ALG6: variants seen among roughly 807,000 people sequenced by gnomAD.
ALG6 encodes the protein dolichyl pyrophosphate Man9GlcNAc2 alpha-1,3-glucosyltransferase.
ALG6 carries 46 observed loss-of-function variants against 66.6 expected under a neutral mutation model. The ratio of observed to expected loss-of-function variants is 0.69; its 90% CI spans 0.55 to 0.88. The LOEUF is 0.88. Ranked by LOEUF, ALG6 falls within the 40% of genes least tolerant of loss-of-function variation. ALG6 has a pLI of 0.00. For missense variants in ALG6, 505 were observed against 586.8 expected (o/e 0.86, Z 1.44); for synonymous variants, 185 against 203.7 (o/e 0.91, Z 0.78).
rs2100423314 is a variant in ALG6, at chr1:63,414,078, T to C, written c.834T>C (p.Ile278=). The change falls in exon 10 of 15, where the codon ATT becomes ATC. Residue 278 remains isoleucine (I), a synonymous_variant. Coordinates refer to ENST00000263440, the MANE Select transcript of ALG6 (RefSeq NM_013339.4). ...CTTTTAAGGATAAAGTAGCCAATAT[T>C]TGGTGCAGCTTCAATGTCTTTCTGA... ...RGLFEDKVAN[I]WCSFNVFLKI... 6.2e-7 allele frequency: 1 copy of C among 1,612,048 alleles called. No homozygotes were observed. Among genetic ancestry groups the C allele is most frequent in the Non-Finnish European group, 8.5e-7 (1 of 1,178,386 alleles).
intron 2 of ALG6, among the ~76,000 whole-genome samples, chr1:63,394,147 G>T (rs1219092202): frequency 1.3e-5 from 2 of 152,162 alleles, no homozygotes; most frequent in Non-Finnish European, 2.9e-5. Context: ...AGAAAATCTG[G>T]ATTAGATTTC....
At chr1:63,373,063 A>C (rs1017578560) in intron 2 of ALG6, among the ~76,000 whole-genome samples, 25 of 152,110 alleles carry the variant, frequency 1.6e-4, no homozygotes, top group African/African-American at 6.0e-4. Context: ...GCTAAAGTGC[A>C]GTGGCACAAT....
chr1:63,384,267 C>T (rs951971433), intron 2 of ALG6, among the ~76,000 whole-genome samples: 7 of 152,070 alleles, frequency 4.6e-5, no homozygotes, highest in African/African-American at 1.7e-4. Context: ...TTTTCATATT[C>T]CTGTTTGCCA....
chr1:63,368,933 C>T (rs748325119), intron 1 of ALG6, among the ~76,000 whole-genome samples: 13 of 152,186 alleles, frequency 8.5e-5, no homozygotes, highest in Non-Finnish European at 1.5e-4. Context: ...GGAAGATTCA[C>T]AGCATTTCAG....
At chr1:63,418,858 T>C (rs557071231) in intron 11 of ALG6, among the ~76,000 whole-genome samples, 25 of 152,210 alleles carry the variant, frequency 1.6e-4, no homozygotes, top group Admixed American at 3.9e-4. Flanking sequence ...AGCAACTGGA[T>C]AGTTATCCAT....
At position 63,415,131 on chromosome 1, in the gene ALG6, C is replaced by CG. The variant is rs1277876946; in HGVS notation, c.903-742_903-741insG. ...ATGAGAATTTCCCTTGTAGCCCACC[C>CG]TAACAAAGGCATACAGGAAGGGAAT... On this transcript the variant is annotated intron_variant, in intron 10 of 14. Transcript: ENST00000263440. Among the ~76,000 whole-genome samples, 5 of 152,258 alleles carry CG rather than the reference C, an allele frequency of 3.3e-5. No individual in the cohort carries two copies. In the East Asian group the frequency reaches 9.6e-4, roughly 29 times the overall value.
Position 63,413,393 on chromosome 1 carries a change from T to G in ALG6, c.817-668T>G, listed in dbSNP as rs140952953. Among the ~76,000 whole-genome samples, 1,471 of 152,320 alleles carry G rather than the reference T, an allele frequency of 9.7e-3. 20 individuals are homozygous for G. The highest frequency in any genetic ancestry group is 0.032 in the African/African-American group (1,347 of 41,578). ...TGATGGTGTTGCCAGTCTCTTCCAT[T>G]CACTTCTTGCCTTCAAAATCTGAAA... is the stretch of plus-strand genomic sequence containing the variant. On this transcript the variant is annotated intron_variant, in intron 9 of 14. Coordinates refer to ENST00000263440, the MANE Select transcript of ALG6 (RefSeq NM_013339.4).
At chr1:63,411,845 T>C in intron 8 of ALG6, 81 bp from the exon 9 acceptor site, 1 of 1,567,092 alleles carries the variant, frequency 6.4e-7, no homozygotes, top group Non-Finnish European at 8.8e-7. Flanking sequence ...GTGCATGTAT[T>C]ATGTTCAGTG....
In ALG6 at chr1:63,411,156, G is replaced by C; in HGVS notation, c.505G>C (p.Val169Leu). 1 of 1,613,680 alleles carries C rather than the reference G, an allele frequency of 6.2e-7. No homozygotes were observed. Among genetic ancestry groups the C allele is most frequent in the Admixed American group, 1.7e-5 (1 of 59,994 alleles). The part of the protein sequence containing the change: ...IDYGHFQYNS[V>L]SLGFALWGVL... ...TTGACACAGGAACATATATAATTCT[G>C]TGAGTCTTGGCTTTGCTTTGTGGGG... Residue 169 changes from valine (V) to leucine (L), a missense_variant, in exon 8 of 15, where the codon GTG becomes CTG. Val to Leu is a conservative substitution (Grantham distance 32). Transcript: ENST00000263440.
intron 3 of ALG6, among the ~76,000 whole-genome samples, chr1:63,397,688 G>C (rs900242980): frequency 3.3e-5 from 5 of 152,092 alleles, no homozygotes; most frequent in Non-Finnish European, 5.9e-5. Context: ...CCTTAATTTT[G>C]TATACAAATC....
At chr1:63,393,545 A>T (rs545548613) in intron 2 of ALG6, among the ~76,000 whole-genome samples, 1 of 152,348 alleles carries the variant, frequency 6.6e-6, no homozygotes, top group South Asian at 2.1e-4. Flanking sequence ...GGAAGGCTTC[A>T]TGGAAGATTT....
At chr1:63,423,310 C>T (rs1338880551) in intron 12 of ALG6, among the ~76,000 whole-genome samples, 2 of 152,116 alleles carry the variant, frequency 1.3e-5, no homozygotes, top group Non-Finnish European at 2.9e-5. Context: ...AGGCATGAGC[C>T]ACTGCGCCTG....
chr1:63,391,058 C>T (rs1648659043), intron 2 of ALG6, among the ~76,000 whole-genome samples: 2 of 152,150 alleles, frequency 1.3e-5, no homozygotes, highest in African/African-American at 4.8e-5. Flanking sequence ...CTGGAGGGTT[C>T]TATTTGGCCA....
intron 2 of ALG6, among the ~76,000 whole-genome samples, chr1:63,379,892 T>C (rs1396751649): frequency 6.6e-6 from 1 of 151,762 alleles, no homozygotes; most frequent in Non-Finnish European, 1.5e-5. Flanking sequence ...CGAAGTGCCA[T>C]CTATATTTTT....
At chr1:63,390,265 T>C (rs766794895) in intron 2 of ALG6, among the ~76,000 whole-genome samples, 5 of 152,176 alleles carry the variant, frequency 3.3e-5, no homozygotes, top group Non-Finnish European at 7.4e-5. Context: ...AGGCCTGGAA[T>C]CCGGGACTCC....
chr1:63,416,991 C>T (rs371684116), intron 11 of ALG6, among the ~76,000 whole-genome samples: 10 of 152,176 alleles, frequency 6.6e-5, no homozygotes, highest in East Asian at 1.9e-4. Context: ...AACATAACAG[C>T]GAAATACTTC....
chr1:63,435,624 T>G (rs923494496), intron 14 of ALG6, among the ~76,000 whole-genome samples: 6 of 152,166 alleles, frequency 3.9e-5, no homozygotes, highest in African/African-American at 1.4e-4. Flanking sequence ...TGTACTGTGC[T>G]AGGGATAAAA....
In ALG6 at chr1:63,414,040, A is replaced by G. The variant is rs1314869339; in HGVS notation, c.817-21A>G. On this transcript the variant is annotated intron_variant, in intron 9 of 14. Transcript: ENST00000263440. ...TTCTTTCAATTATACCAGAATGTAA[A>G]GCTAACAAATCTCTTTTAAGGATAA... 3 of 1,544,980 alleles carry G rather than the reference A, an allele frequency of 1.9e-6. No individual in the cohort carries two copies. In the South Asian group the frequency reaches 3.3e-5, roughly 17 times the overall value.
chr1:63,374,844 G>A (rs1402495221), intron 2 of ALG6, among the ~76,000 whole-genome samples: 2 of 152,158 alleles, frequency 1.3e-5, no homozygotes, highest in Admixed American at 1.3e-4. Flanking sequence ...GGGTGACCAA[G>A]AATAATAAAT....
Sources: allele counts gnomAD v4.1 joint callset (sites outside exome capture counted in the v4.1 genomes callset), GRCh38; gene constraint gnomAD v4.1.1; transcripts MANE v1.5; gene names NCBI Gene and HGNC (gene_info 2026-07-23, HGNC 2026-07-21).